XKR6: variants seen among roughly 807,000 people sequenced by gnomAD.
XKR6 encodes XK-related protein 6.
Under a neutral mutation model 56.7 loss-of-function variants are expected in XKR6, and 22 were observed. That is an observed-to-expected ratio of 0.39 (90% CI 0.28 to 0.55). XKR6 has a LOEUF of 0.55. Ranked by LOEUF, XKR6 falls within the 20% of genes least tolerant of loss-of-function variation. XKR6 has a pLI of 0.66. For synonymous variants in XKR6, 524 were observed against 387.8 expected (o/e 1.35, Z -4.13); for missense variants, 852 against 889.0 (o/e 0.96, Z 0.53).
chr8:10,954,128 T>A (rs55968942), intron 1 of XKR6, among the ~76,000 whole-genome samples: 11,292 of 152,310 alleles, frequency 0.074, 433 homozygotes, highest in Middle Eastern at 0.13. Context: ...TAAACATTCA[T>A]CTACAAATTT....
At chr8:10,953,094 G>A (rs536155642) in intron 1 of XKR6, among the ~76,000 whole-genome samples, 17 of 152,340 alleles carry the variant, frequency 1.1e-4, no homozygotes, top group African/African-American at 3.8e-4. Context: ...ATTCTGCACT[G>A]TGGTGAGTTG....
At chr8:11,050,210 T>C (rs1404473892) in intron 1 of XKR6, among the ~76,000 whole-genome samples, 1 of 152,152 alleles carries the variant, frequency 6.6e-6, no homozygotes, top group African/African-American at 2.4e-5. Flanking sequence ...GAGACAAGCG[T>C]GCCAGATACA....
intron 1 of XKR6, among the ~76,000 whole-genome samples, chr8:10,975,348 C>T (rs1318857816): frequency 6.6e-6 from 1 of 152,208 alleles, no homozygotes; most frequent in African/African-American, 2.4e-5. Flanking sequence ...CCAGCTGCTG[C>T]CCACCAATCA....
intron 1 of XKR6, among the ~76,000 whole-genome samples, chr8:11,092,560 G>T (rs1037059129): frequency 1.3e-5 from 2 of 152,148 alleles, no homozygotes; most frequent in African/African-American, 2.4e-5. Flanking sequence ...TATCCCGGGT[G>T]ATAAAGGTTA....
chr8:11,039,923 C>T (rs549634880), intron 1 of XKR6, among the ~76,000 whole-genome samples: 59 of 152,344 alleles, frequency 3.9e-4, no homozygotes, highest in African/African-American at 1.4e-3. Flanking sequence ...CCTGTCCATG[C>T]CTTAAAAGCA....
intron 1 of XKR6, among the ~76,000 whole-genome samples, chr8:11,072,673 G>T (rs905454591): frequency 5.9e-5 from 9 of 152,228 alleles, no homozygotes; most frequent in African/African-American, 1.9e-4. Context: ...CATGGGTCAG[G>T]GTGGGGGTAC....
intron 1 of XKR6, among the ~76,000 whole-genome samples, chr8:11,140,182 G>C (rs1253133800): frequency 2.0e-5 from 3 of 150,450 alleles, no homozygotes; most frequent in African/African-American, 4.9e-5. Flanking sequence ...GAATACTAAA[G>C]ACAGGCAAAG....
rs540703432 is a variant in XKR6, at chr8:10,900,594, A to G, written c.962-1678T>C. Among the ~76,000 whole-genome samples the G allele has an allele frequency of 2.0e-5, 3 of 152,372 alleles. No homozygotes were observed. In the East Asian group the frequency reaches 5.8e-4, roughly 29 times the overall value. ...GGGGCAACACGATCCCAAGTTCTCC[A>G]TGGAAATCTATCTGGAAAACATCCA... is the stretch of plus-strand genomic sequence containing the variant. On this transcript the variant is annotated intron_variant, in intron 2 of 2. Transcript: ENST00000416569.
intron 1 of XKR6, chr8:11,194,521 G>T (rs992264199): frequency 2.0e-5 from 3 of 152,160 alleles, no homozygotes; most frequent in African/African-American, 7.2e-5. Flanking sequence ...AATTCCTGAT[G>T]AGAAGAAACT....
chr8:10,979,813 C>A (rs1302530689), intron 1 of XKR6, among the ~76,000 whole-genome samples: 1 of 152,156 alleles, frequency 6.6e-6, no homozygotes, highest in Non-Finnish European at 1.5e-5. Flanking sequence ...GAGGGGAGAT[C>A]CAGGGCTGTG....
chr8:11,164,040 C>A (rs571582485), intron 1 of XKR6, among the ~76,000 whole-genome samples: 1 of 152,284 alleles, frequency 6.6e-6, no homozygotes, highest in South Asian at 2.1e-4. Context: ...CACTCTCATG[C>A]TGATTTCAAG....
intron 1 of XKR6, among the ~76,000 whole-genome samples, chr8:11,136,005 AT>A (rs1800371621): frequency 6.6e-6 from 1 of 152,210 alleles, no homozygotes; most frequent in South Asian, 2.1e-4. Context: ...TCTAAGAGGC[AT>A]TCTTTTATCT....
chr8:10,958,270 C>G (rs1376531529), intron 1 of XKR6, among the ~76,000 whole-genome samples: 2 of 152,242 alleles, frequency 1.3e-5, no homozygotes, highest in African/African-American at 4.8e-5. Flanking sequence ...TGTGTGCCAT[C>G]TGTGAAGAGC....
intron 1 of XKR6, among the ~76,000 whole-genome samples, chr8:11,046,164 C>T (rs1342015298): frequency 2.0e-5 from 3 of 152,070 alleles, no homozygotes; most frequent in African/African-American, 4.8e-5. Flanking sequence ...TTTGGGAGGT[C>T]GAGGTGGGCA....
chr8:11,169,023 G>A (rs563338994), intron 1 of XKR6, among the ~76,000 whole-genome samples: 4 of 152,230 alleles, frequency 2.6e-5, no homozygotes, highest in African/African-American at 9.6e-5. Flanking sequence ...CTGGTCCCAG[G>A]ACAAGGTCCC....
At chr8:10,949,099 C>T (rs1801637163) in intron 1 of XKR6, among the ~76,000 whole-genome samples, 1 of 152,246 alleles carries the variant, frequency 6.6e-6, no homozygotes, top group Non-Finnish European at 1.5e-5. Context: ...TGGAAACACC[C>T]TGGGAGTCCG....
At chr8:11,159,310 T>C (rs929091040) in intron 1 of XKR6, among the ~76,000 whole-genome samples, 9 of 152,256 alleles carry the variant, frequency 5.9e-5, no homozygotes, top group Admixed American at 3.9e-4. Flanking sequence ...GCATATAATT[T>C]AAGTAAGTCA....
chr8:11,126,731 C>T (rs1043974968), intron 1 of XKR6, among the ~76,000 whole-genome samples: 42 of 152,086 alleles, frequency 2.8e-4, no homozygotes, highest in Non-Finnish European at 3.1e-4. Flanking sequence ...AAGAACTGAA[C>T]CATTGGACTA....
chr8:11,115,215 T>A (rs1376543191), intron 1 of XKR6, among the ~76,000 whole-genome samples: 2 of 152,224 alleles, frequency 1.3e-5, no homozygotes, highest in African/African-American at 4.8e-5. Flanking sequence ...TGTCTGTCTC[T>A]TCAGTATGAA....
Sources: allele counts gnomAD v4.1 joint callset (sites outside exome capture counted in the v4.1 genomes callset), GRCh38; gene constraint gnomAD v4.1.1; transcripts MANE v1.5; gene names NCBI Gene and HGNC (gene_info 2026-07-23, HGNC 2026-07-21).